MECR: variants seen among roughly 807,000 people sequenced by gnomAD.
The protein encoded by MECR is mitochondrial trans-2-enoyl-CoA reductase, also known as enoyl-[acyl-carrier-protein] reductase, mitochondrial.
In MECR, 37 loss-of-function variants were observed where a neutral mutation model predicts 49.1. The ratio of observed to expected loss-of-function variants is 0.75; its 90% CI spans 0.58 to 0.99. The LOEUF is 0.99. Ranked by LOEUF, MECR falls within the 50% of genes least tolerant of loss-of-function variation. The pLI is 0.00. For synonymous variants in MECR, 198 were observed against 191.1 expected (o/e 1.04, Z -0.30); for missense variants, 470 against 479.6 (o/e 0.98, Z 0.19).
chr1:29,195,724 G>T (rs573232631), intron 9 of MECR, among the ~76,000 whole-genome samples: 1 of 152,290 alleles, frequency 6.6e-6, no homozygotes, highest in African/African-American at 2.4e-5. Flanking sequence ...CTTCAGGACG[G>T]GGGCAGTGTC....
the MECR span, among the ~76,000 whole-genome samples, chr1:29,179,569 A>G: frequency 4.6e-5 from 7 of 152,172 alleles, no homozygotes; most frequent in Admixed American, 1.3e-4. Context: ...GGCTGGTCTC[A>G]AACTCCTGGC....
rs769788966 is a variant in MECR, at chr1:29,201,999, C to T, written c.700G>A (p.Glu234Lys). ...LSDRLKSLGA[E>K]HVITEEELRR... ...AGCTCCTCTTCTGTGATGACATGCT[C>T]AGCCCCCAGACTCTTCAGTCTGTCA... The change falls in exon 6 of 10, where the codon GAG (glutamate) becomes AAG (lysine). Residue 234 changes from glutamate (E) to lysine (K), a missense_variant. Glu to Lys is a moderately conservative substitution (Grantham distance 56). Transcript: ENST00000263702. The surrounding 1 kb of genome is among the most constrained non-coding windows in gnomAD (Gnocchi z 4.3). 8.7e-6 allele frequency: 14 copies of T among 1,614,160 alleles called. No homozygotes were observed. The highest frequency in any genetic ancestry group is 4.4e-5 in the South Asian group (4 of 91,086).
the MECR span, among the ~76,000 whole-genome samples, chr1:29,183,892 T>TTTTTG: frequency 1.3e-5 from 2 of 150,550 alleles, no homozygotes; most frequent in South Asian, 4.2e-4. Flanking sequence ...TTTTTTTTTT[T>TTTTTG]TTTTTGAGAC....
At chr1:29,217,148 AAAAAAG>A (rs1679637630) in intron 1 of MECR, among the ~76,000 whole-genome samples, 1 of 150,420 alleles carries the variant, frequency 6.6e-6, no homozygotes, top group South Asian at 2.1e-4. Context: ...AAAAAAAAAA[AAAAAAG>A]AAATCAACAT....
chr1:29,181,666 C>A, the MECR span: 1 of 1,595,296 alleles, frequency 6.3e-7, no homozygotes, highest in South Asian at 1.1e-5. Context: ...GATCCACCTC[C>A]AGGATCTTCC....
In MECR at chr1:29,230,809, G is replaced by C. The variant is rs758771305; in HGVS notation, c.98C>G (p.Ser33Cys). The C allele has an allele frequency of 6.2e-6, 10 of 1,608,212 alleles. No homozygotes were observed. The highest frequency in any genetic ancestry group is 8.5e-6 in the Non-Finnish European group (10 of 1,178,318). ...GGCAGGCTCGGCGGATGCGGAGTAG[G>C]AGGAGGCGGCAGGTCCGTGACAGCC... ...ASGCHGPAAS[S>C]YSASAEPARV... Residue 33 changes from serine (S) to cysteine (C), a missense_variant, in exon 1 of 10, where the codon TCC (serine) becomes TGC (cysteine). Ser to Cys is a moderately radical substitution (Grantham distance 112). Transcript: ENST00000263702.
intron 1 of MECR, 58 bp downstream of exon 1, chr1:29,230,673 G>T: frequency 6.5e-7 from 1 of 1,531,308 alleles, no homozygotes. Context: ...TCCGCAGCTC[G>T]TGTTAAAGCC....
intron 7 of MECR, among the ~76,000 whole-genome samples, chr1:29,198,641 C>T (rs774546318): frequency 1.4e-4 from 21 of 152,260 alleles, no homozygotes; most frequent in Non-Finnish European, 2.4e-4. Flanking sequence ...TTTTGAGACA[C>T]ACTGTTTCTC....
At chr1:29,191,879 G>A (rs1417509948), downstream of MECR, among the ~76,000 whole-genome samples, 1 of 152,060 alleles carries the variant, frequency 6.6e-6, no homozygotes, top group Non-Finnish European at 1.5e-5. Context: ...GGATCACGAG[G>A]TCAGGAGTTC....
chr1:29,195,867 T>C (rs965977678), intron 9 of MECR, 74 bp downstream of exon 9: 1 of 1,474,586 alleles, frequency 6.8e-7, no homozygotes, highest in African/African-American at 1.4e-5. Flanking sequence ...GGGCTCAGAA[T>C]AGCTGGTCAT....
At chr1:29,206,475 GC>G (rs111568250) in intron 4 of MECR, among the ~76,000 whole-genome samples, 76 of 152,260 alleles carry the variant, frequency 5.0e-4, no homozygotes, top group African/African-American at 1.7e-3. Context: ...CCAGAGCTTA[GC>G]CCCAGCTCAA....
intron 3 of MECR, among the ~76,000 whole-genome samples, chr1:29,212,917 G>A (rs1229641702): frequency 1.3e-5 from 2 of 152,146 alleles, no homozygotes; most frequent in African/African-American, 4.8e-5. Flanking sequence ...CACCAGTGCT[G>A]TGCCTTCTCT....
intron 1 of MECR, chr1:29,223,373 G>T (rs1170910458): frequency 8.8e-6 from 7 of 795,110 alleles, no homozygotes; most frequent in Non-Finnish European, 1.1e-5. Context: ...TACTTGCTGT[G>T]TAAGGTGGGC....
chr1:29,230,826 G>C lies in MECR; in HGVS notation c.81C>G (p.His27Gln). Residue 27 changes from histidine (H) to glutamine (Q), a missense_variant, in exon 1 of 10, where the codon CAC becomes CAG. Coordinates refer to ENST00000263702, the MANE Select transcript of MECR (RefSeq NM_016011.5). ...WRGLLPASGC[H>Q]GPAASSYSAS... is the part of the protein sequence containing the mutation. ...CGGAGTAGGAGGAGGCGGCAGGTCC[G>C]TGACAGCCAGAAGCTGGGAGCAGCC... 6.2e-7 allele frequency: 1 copy of C among 1,608,322 alleles called. No homozygotes were observed. Among genetic ancestry groups the C allele is most frequent in the Non-Finnish European group, 8.5e-7 (1 of 1,179,030 alleles).
intron 1 of MECR, among the ~76,000 whole-genome samples, chr1:29,227,113 A>G (rs529090562): frequency 3.2e-4 from 49 of 151,944 alleles, no homozygotes; most frequent in Middle Eastern, 3.4e-3. Flanking sequence ...ACAGGCATGC[A>G]CCACTGTGCC....
rs1676659053 is a variant in MECR at position 29,206,681 on chromosome 1, TC to T, written c.550+80del. ...CCCTCAAAACCTCCACCTTGCAAGT[TC>T]TCCTGGCCTTGGGGTCAGGATGTGA... On this transcript the variant is annotated intron_variant, in intron 4 of 9. Transcript: ENST00000263702. 5 of 1,517,618 alleles carry T rather than the reference TC, an allele frequency of 3.3e-6. No individual in the cohort carries two copies. The Admixed American group carries it at 9.4e-5, about 29-fold the overall frequency. 94.0% of individuals were successfully genotyped at this position (1,517,618 alleles called of 1,614,324 possible).
rs774439984 is a variant in MECR, at chr1:29,194,184, G to A, written c.965-5C>T. 10 of 1,598,164 alleles carry A rather than the reference G, an allele frequency of 6.3e-6. No individual in the cohort carries two copies. Among genetic ancestry groups the A allele is most frequent in the East Asian group, 4.5e-5 (2 of 44,648 alleles). The stretch of plus-strand genomic sequence containing the variant: ...GGATCAGCTCCTTGAACTGGTCTGC[G>A]GGAGGTTGGAGGAAATCAGACAAGA... On this transcript the variant is annotated splice_polypyrimidine_tract_variant and splice_region_variant and intron_variant, in intron 9 of 9. Coordinates refer to ENST00000263702, the MANE Select transcript of MECR (RefSeq NM_016011.5).
chr1:29,167,812 ATAAT>A, the MECR span, among the ~76,000 whole-genome samples: 2 of 152,314 alleles, frequency 1.3e-5, no homozygotes, highest in East Asian at 3.9e-4. Context: ...GGCACAGTAA[ATAAT>A]TTATCCATAA....
At chr1:29,168,191 ATTT>A in the MECR span, among the ~76,000 whole-genome samples, 1,021 of 134,956 alleles carry the variant, frequency 7.6e-3, 14 homozygotes, top group African/African-American at 0.024. Context: ...ATTTTTTGTA[ATTT>A]TTTTTTTTTT....
Sources: gnomAD v4.1 joint callset for allele counts (sites outside exome capture counted in the v4.1 genomes callset) on GRCh38, gnomAD v4.1.1 for gene constraint, Gnocchi (gnomAD v3.1) non-coding constraint, MANE v1.5 for transcripts, NCBI Gene and HGNC (gene_info 2026-07-23, HGNC 2026-07-21) for gene names.